Variants in GABPB2 observed in about 807,000 individuals in gnomAD.
GABPB2 encodes the protein GA-binding protein subunit beta-2.
In GABPB2, 23 loss-of-function variants were observed where a neutral mutation model predicts 39.1. The ratio of observed to expected loss-of-function variants is 0.59; its 90% CI spans 0.42 to 0.83. The LOEUF (loss-of-function observed/expected upper bound fraction) is 0.83. GABPB2 is among the 40% of genes least tolerant of loss of function. The probability of loss-of-function intolerance (pLI) is 0.00; values close to 1 mark genes in which losing one functional copy is unlikely to be tolerated. For missense variants in GABPB2, 467 were observed against 541.1 expected (o/e 0.86, Z 1.36); for synonymous variants, 184 against 199.3 (o/e 0.92, Z 0.65).
In GABPB2 at chr1:151,118,164, G is replaced by A; in HGVS notation, c.1255G>A (p.Gly419Arg). 3.1e-6 allele frequency: 5 copies of A among 1,614,132 alleles called. No homozygotes were observed. Among genetic ancestry groups the A allele is most frequent in the South Asian group, 2.2e-5 (2 of 91,076 alleles). Residue 419 changes from glycine to arginine, a missense_variant, in exon 9 of 9, where the codon GGG (glycine) becomes AGG (arginine). Physicochemically the swap from Gly to Arg is moderately radical, Grantham distance 125. Coordinates refer to ENST00000368918, the MANE Select transcript of GABPB2 (RefSeq NM_144618.3). ...AEVDAVVVTEGELEERETKVT... is the reference protein window; with the variant it reads ...AEVDAVVVTERELEERETKVT... ...GGTAGATGCTGTAGTAGTCACAGAG[G>A]GGGAGTTGGAAGAGAGAGAGACAAA...
intron 2 of GABPB2, among the ~76,000 whole-genome samples, chr1:151,090,145 T>C (rs1424723667): frequency 6.6e-6 from 1 of 152,132 alleles, no homozygotes; most frequent in Non-Finnish European, 1.5e-5. Context: ...GGTTTCACCA[T>C]GTTGGCCAGA....
At chr1:151,072,144 C>T (rs1676782477) in intron 1 of GABPB2, among the ~76,000 whole-genome samples, 1 of 152,244 alleles carries the variant, frequency 6.6e-6, no homozygotes, top group Admixed American at 6.5e-5. Context: ...AAAACTGCCC[C>T]ATCCAGATTC....
intron 6 of GABPB2, among the ~76,000 whole-genome samples, chr1:151,104,886 CTCTT>C (rs944775708): frequency 6.0e-5 from 9 of 149,066 alleles, no homozygotes; most frequent in Non-Finnish European, 8.9e-5. Context: ...CTCTCTCTCT[CTCTT>C]TCTCTCTTTC....
intron 4 of GABPB2, among the ~76,000 whole-genome samples, 173 bp downstream of exon 4, chr1:151,093,559 T>C (rs587742880): frequency 6.6e-5 from 10 of 151,418 alleles, no homozygotes; most frequent in African/African-American, 2.4e-4. Context: ...ATGTATAGAA[T>C]ATATATTTGT....
At chr1:151,074,333 C>T (rs1202545104) in intron 1 of GABPB2, among the ~76,000 whole-genome samples, 9 of 111,382 alleles carry the variant, frequency 8.1e-5, no homozygotes, top group Non-Finnish European at 1.1e-4. Flanking sequence ...TTTTTCCAGA[C>T]GGAGTCTCGC....
intron 5 of GABPB2, among the ~76,000 whole-genome samples, chr1:151,103,106 A>G (rs1352500304): frequency 6.9e-5 from 10 of 144,886 alleles, no homozygotes; most frequent in Middle Eastern, 3.6e-3. Context: ...CTGAAGTGCA[A>G]TGGTGTGATC....
At chr1:151,080,615 A>G (rs1390822416) in intron 1 of GABPB2, among the ~76,000 whole-genome samples, 1 of 151,260 alleles carries the variant, frequency 6.6e-6, no homozygotes, top group Non-Finnish European at 1.5e-5. Context: ...TGGGAGGCCA[A>G]GACAAGCAGA....
chr1:151,090,452 C>A lies in GABPB2; in HGVS notation c.155C>A (p.Ser52Tyr), dbSNP rs772707931. Reference sequence around the variant, plus strand: ...CTTGCAGCTCAATATGGTCATTATTCCACAGCAGAAGTACTCCTTCGAGCA... The same window carrying A: ...CTTGCAGCTCAATATGGTCATTATTACACAGCAGAAGTACTCCTTCGAGCA... ...LHLAAQYGHY[S>Y]TAEVLLRAGV... The change falls in exon 3 of 9, where the codon TCC becomes TAC. Residue 52 changes from serine (S) to tyrosine (Y), a missense_variant. Ser to Tyr is a moderately radical substitution (Grantham distance 144). Transcript: ENST00000368918. 8 of 1,614,044 alleles carry A rather than the reference C, an allele frequency of 5.0e-6. No individual in the cohort carries two copies. In the East Asian group the frequency reaches 1.6e-4, roughly 31 times the overall value.
intron 7 of GABPB2, among the ~76,000 whole-genome samples, chr1:151,109,364 A>ATATATATATT (rs779537595): frequency 9.3e-4 from 104 of 112,356 alleles, no homozygotes; most frequent in Non-Finnish European, 1.4e-3. Context: ...ATATATATAT[A>ATATATATATT]TTTTTTTTTT....
chr1:151,081,640 AT>A (rs1253508335), intron 1 of GABPB2, among the ~76,000 whole-genome samples: 50 of 147,988 alleles, frequency 3.4e-4, no homozygotes, highest in African/African-American at 5.2e-4. Flanking sequence ...ATTATTATTT[AT>A]TTTTTTTTTT....
chr1:151,077,598 G>C (rs1035236322), intron 1 of GABPB2, among the ~76,000 whole-genome samples: 3 of 151,266 alleles, frequency 2.0e-5, no homozygotes, highest in African/African-American at 7.3e-5. Context: ...CTTGTGATCC[G>C]CCGCGCCCGG....
chr1:151,074,460 G>A (rs1451853027), intron 1 of GABPB2, among the ~76,000 whole-genome samples: 2 of 145,502 alleles, frequency 1.4e-5, no homozygotes, highest in East Asian at 2.1e-4. Context: ...GCAGGCCCCC[G>A]CCACCATGCC....
chr1:151,079,804 G>A (rs1324896334), intron 1 of GABPB2, among the ~76,000 whole-genome samples: 2 of 152,050 alleles, frequency 1.3e-5, no homozygotes, highest in East Asian at 3.9e-4. Context: ...GCTGAGGCAG[G>A]AGAATCGCTT....
intron 4 of GABPB2, among the ~76,000 whole-genome samples, chr1:151,096,798 C>T (rs751433673): frequency 1.5e-4 from 23 of 152,244 alleles, no homozygotes; most frequent in South Asian, 6.2e-4. Context: ...GAATATTGTT[C>T]TCTATAGATA....
chr1:151,103,025 TG>T (rs1292605710), intron 5 of GABPB2, among the ~76,000 whole-genome samples: 9 of 144,866 alleles, frequency 6.2e-5, no homozygotes, highest in Non-Finnish European at 1.4e-4. Flanking sequence ...GGGAATGTAG[TG>T]GCCCTGTACA....
rs761905123 is a variant in GABPB2, at chr1:151,120,753, CTTTTTTTTTTT to C, written c.*2507_*2517del. 8.2e-6 allele frequency: 1 copy of C among 122,170 alleles called. No individual in the cohort carries two copies. Among genetic ancestry groups the C allele is most frequent in the East Asian group, 2.6e-4 (1 of 3,862 alleles). The allele number at this position is 122,170 out of a possible 1,614,324, so 7.6% of individuals were successfully genotyped here. A position where few individuals can be genotyped will look rare whatever the true frequency, so the allele number is the denominator to read the frequency against. On this transcript the variant is annotated 3_prime_UTR_variant, in exon 9 of 9. Transcript: ENST00000368918. Reference sequence around the variant, plus strand: ...TTATGTAATGTCAAGCTCAGTCTCTCTTTTTTTTTTTTTTTTTTTTGAGACGGAGTCTTGCT... The same window carrying C: ...TTATGTAATGTCAAGCTCAGTCTCTCTTTTTTTTTGAGACGGAGTCTTGCT...
intron 1 of GABPB2, among the ~76,000 whole-genome samples, chr1:151,077,545 CAG>C (rs1401128105): frequency 6.6e-6 from 1 of 151,644 alleles, no homozygotes; most frequent in Admixed American, 6.6e-5. Context: ...TTAGTAGACA[CAG>C]GGTTTCACCA....
At position 151,122,225 on chromosome 1, in the gene GABPB2, A is replaced by G. The variant is rs1209341158; in HGVS notation, c.*3969A>G. ...GCCACCTTAGCTAGGTTTTCTCCAC[A>G]GATCTGTTTTCTCCACAGATCTGAG... On this transcript the variant is annotated 3_prime_UTR_variant, in exon 9 of 9. Transcript: ENST00000368918. 1 of 126,634 alleles carries G rather than the reference A, an allele frequency of 7.9e-6. No individual in the cohort carries two copies. Among genetic ancestry groups the G allele is most frequent in the Non-Finnish European group, 1.7e-5 (1 of 58,152 alleles). The allele number at this position is 126,634 out of a possible 1,614,324, so 7.8% of individuals were successfully genotyped here.
chr1:151,092,252 G>A (rs1006027845), intron 3 of GABPB2, among the ~76,000 whole-genome samples: 2 of 150,844 alleles, frequency 1.3e-5, no homozygotes, highest in African/African-American at 2.4e-5. Context: ...GACTACAGGC[G>A]TGCTCCACCA....
Sources: allele counts gnomAD v4.1 joint callset (sites outside exome capture counted in the v4.1 genomes callset), GRCh38; gene constraint gnomAD v4.1.1; transcripts MANE v1.5; gene names NCBI Gene and HGNC (gene_info 2026-07-23, HGNC 2026-07-21).